The following GAS6 variants were observed in gnomAD, a reference collection of about 807,000 sequenced individuals.
GAS6 encodes the protein growth arrest specific 6, also known as growth arrest-specific protein 6.
Under a neutral mutation model 75.8 loss-of-function variants are expected in GAS6, and 41 were observed. That is an observed-to-expected ratio of 0.54 (90% CI 0.42 to 0.70). GAS6 has a LOEUF of 0.70. GAS6 is among the 30% of genes least tolerant of loss of function. The pLI is 0.00. For missense variants in GAS6, 854 were observed against 940.2 expected (o/e 0.91, Z 1.20); for synonymous variants, 432 against 412.6 (o/e 1.05, Z -0.57).
chr13:113,847,609 G>C (rs960347456), intron 3 of GAS6: 1 of 197,788 alleles, frequency 5.1e-6, no homozygotes, highest in African/African-American at 2.4e-5. Context: ...ACACTATTCA[G>C]TGTTTTCGGT....
At chr13:113,822,232 G>A (rs756034822) in intron 13 of GAS6, 46 bp from the exon 14 acceptor site, 34 of 1,430,184 alleles carry the variant, frequency 2.4e-5, no homozygotes, top group South Asian at 1.5e-4. Context: ...CCACCCCTAC[G>A]TGAGCTGTTA....
chr13:113,850,840 G>C (rs1368906665), intron 2 of GAS6, among the ~76,000 whole-genome samples: 1 of 151,984 alleles, frequency 6.6e-6, no homozygotes, highest in African/African-American at 2.4e-5. Context: ...ATGGATAGAT[G>C]GATGGATAGA....
At chr13:113,846,268 C>G (rs547271915) in intron 4 of GAS6, among the ~76,000 whole-genome samples, 2 of 152,356 alleles carry the variant, frequency 1.3e-5, no homozygotes, top group Non-Finnish European at 2.9e-5. Flanking sequence ...CTGGACGACT[C>G]AGAGGCGGGG....
At chr13:113,850,124 C>A (rs978629135) in intron 2 of GAS6, among the ~76,000 whole-genome samples, 7 of 152,162 alleles carry the variant, frequency 4.6e-5, no homozygotes, top group African/African-American at 1.7e-4. Context: ...ATGTAAGACC[C>A]AGAAATGGCT....
At position 113,823,555 on chromosome 13, in the gene GAS6, A is replaced by C; in HGVS notation, c.1478-5T>G. 6.2e-7 allele frequency: 1 copy of C among 1,607,366 alleles called. No individual in the cohort carries two copies. Among genetic ancestry groups the C allele is most frequent in the East Asian group, 2.2e-5 (1 of 44,708 alleles). On this transcript the variant is annotated splice_polypyrimidine_tract_variant and splice_region_variant and intron_variant, in intron 12 of 14. Transcript: ENST00000327773. ...CGACGTCCAGAGGGGTCCGCACTGC[A>C]ATGAAAGCGGTGCATTATAGGGTGG...
At position 113,848,620 on chromosome 13, in the gene GAS6, A is replaced by T. The variant is rs181850706; in HGVS notation, c.256-570T>A. 6.4e-4 allele frequency among the ~76,000 whole-genome samples: 97 copies of T among 152,162 alleles called. 3 individuals carry two copies. Among genetic ancestry groups the T allele is most frequent in the Admixed American group, 6.3e-3 (96 of 15,280 alleles). The stretch of plus-strand genomic sequence containing the variant: ...GAGGCCGGCCGGAAACTTCTTCAGG[A>T]TCCTTTTGCCATGGCCCACAGATTC... On this transcript the variant is annotated intron_variant, in intron 2 of 14. Coordinates refer to ENST00000327773, the MANE Select transcript of GAS6 (RefSeq NM_000820.4). This position sits in a 1 kb window ranked among gnomAD's most constrained non-coding sequence, Gnocchi z 4.8.
At chr13:113,828,134 G>A (rs1212953961) in intron 11 of GAS6, among the ~76,000 whole-genome samples, 1 of 152,084 alleles carries the variant, frequency 6.6e-6, no homozygotes, top group Non-Finnish European at 1.5e-5. Flanking sequence ...CGTGGTGGCG[G>A]GCGCCTGTAG....
chr13:113,822,259 C>CA, intron 13 of GAS6, 73 bp from the exon 14 acceptor site: 1 of 1,209,736 alleles, frequency 8.3e-7, no homozygotes, highest in East Asian at 2.7e-5. Context: ...AGCTGGTCCT[C>CA]ACAGCTGCTG....
chr13:113,858,936 CGT>C (rs1372790065), intron 2 of GAS6, among the ~76,000 whole-genome samples: 86 of 147,126 alleles, frequency 5.8e-4, no homozygotes, highest in African/African-American at 1.8e-3. Flanking sequence ...TATGTGTGTG[CGT>C]GTCATGCATG....
intron 10 of GAS6, among the ~76,000 whole-genome samples, chr13:113,829,581 G>T (rs2051603434): frequency 6.6e-6 from 1 of 150,918 alleles, no homozygotes; most frequent in South Asian, 2.1e-4. Context: ...CCACACCTGA[G>T]CCAAGAGGGT....
At chr13:113,852,218 A>C (rs2138660468) in intron 2 of GAS6, among the ~76,000 whole-genome samples, 1 of 152,322 alleles carries the variant, frequency 6.6e-6, no homozygotes, top group East Asian at 1.9e-4. Flanking sequence ...AGCTACTGTT[A>C]GTGTTAATTT....
Position 113,820,967 on chromosome 13 carries a change from G to A in GAS6, c.1934C>T (p.Thr645Ile), listed in dbSNP as rs911109356. 1 of 1,612,764 alleles carries A rather than the reference G, an allele frequency of 6.2e-7. No homozygotes were observed. The highest frequency in any genetic ancestry group is 8.5e-7 in the Non-Finnish European group (1 of 1,179,892). ...PVTAFYRGCM[T>I]LEVNRRLLDL... ...CAGCAGCCTCCGGTTGACCTCCAGTGTCATGCAGCCGCGGTAGAACGCGGT... is the reference window on the plus strand; with the variant it reads ...CAGCAGCCTCCGGTTGACCTCCAGTATCATGCAGCCGCGGTAGAACGCGGT... The change falls in exon 15 of 15, where the codon ACA becomes ATA. Residue 645 changes from threonine to isoleucine, a missense_variant. Physicochemically the swap from Thr to Ile is moderately conservative, Grantham distance 89 (BLOSUM62 -1). Coordinates refer to ENST00000327773, the MANE Select transcript of GAS6 (RefSeq NM_000820.4).
At position 113,828,726 on chromosome 13, in the gene GAS6, C is replaced by T. The variant is rs754114986; in HGVS notation, c.1144-15G>A. On this transcript the variant is annotated splice_polypyrimidine_tract_variant and intron_variant, in intron 10 of 14. Coordinates refer to ENST00000327773, the MANE Select transcript of GAS6 (RefSeq NM_000820.4). ...TCAACAGAGATCTGAAGAGAGGCAG[C>T]GCCATGAGAAAAGATGGGAGTGCAC... The T allele has an allele frequency of 4.1e-5, 66 of 1,610,136 alleles. No individual in the cohort carries two copies. Among genetic ancestry groups the T allele is most frequent in the Non-Finnish European group, 5.0e-5 (59 of 1,178,178 alleles).
At position 113,838,105 on chromosome 13, in the gene GAS6, C is replaced by T. The variant is rs193064751; in HGVS notation, c.553G>A (p.Gly185Ser). ...PGSFHCSCHS[G>S]FELSSDGRTC... ...CTGCCATCAGAGGAGAGCTCGAAGC[C>T]GCTGTGGCAGGAACAGTGGAAGCTA... The change falls in exon 6 of 15, where the codon GGC (glycine) becomes AGC (serine). Residue 185 changes from glycine (G) to serine (S), a missense_variant. Gly to Ser is a moderately conservative substitution (Grantham distance 56). Coordinates refer to ENST00000327773, the MANE Select transcript of GAS6 (RefSeq NM_000820.4). 48 of 1,613,004 alleles carry T rather than the reference C, an allele frequency of 3.0e-5. No individual in the cohort carries two copies. Among genetic ancestry groups the T allele is most frequent in the Middle Eastern group, 1.7e-4 (1 of 6,058 alleles).
At chr13:113,853,753 C>T (rs1389925541) in intron 2 of GAS6, among the ~76,000 whole-genome samples, 2 of 152,252 alleles carry the variant, frequency 1.3e-5, no homozygotes, top group African/African-American at 4.8e-5. Context: ...GTAACGCCCA[C>T]AGGAACTGCC....
At chr13:113,850,139 G>C (rs1011890311) in intron 2 of GAS6, among the ~76,000 whole-genome samples, 1 of 152,146 alleles carries the variant, frequency 6.6e-6, no homozygotes, top group Admixed American at 6.5e-5. Context: ...ATGGCTTTGA[G>C]TAAAGGCACC....
At chr13:113,858,663 CTGTG>C (rs973104830) in intron 2 of GAS6, among the ~76,000 whole-genome samples, 1 of 115,914 alleles carries the variant, frequency 8.6e-6, no homozygotes, top group African/African-American at 3.6e-5. Context: ...GTGTACATGT[CTGTG>C]TGTGCCTATG....
chr13:113,854,796 G>A (rs1339952491), intron 2 of GAS6, among the ~76,000 whole-genome samples: 1 of 152,264 alleles, frequency 6.6e-6, no homozygotes, highest in Non-Finnish European at 1.5e-5. Flanking sequence ...TTGGATGGGA[G>A]GGATGCTGGC....
At chr13:113,862,888 G>A (rs1025939390) in intron 2 of GAS6, among the ~76,000 whole-genome samples, 1 of 152,156 alleles carries the variant, frequency 6.6e-6, no homozygotes, top group Non-Finnish European at 1.5e-5. Flanking sequence ...AAAGTCACCC[G>A]CTCCCGAGCC....
Sources: gnomAD v4.1 joint callset for allele counts (sites outside exome capture counted in the v4.1 genomes callset) on GRCh38, gnomAD v4.1.1 for gene constraint, Gnocchi (gnomAD v3.1) non-coding constraint, MANE v1.5 for transcripts, NCBI Gene and HGNC (gene_info 2026-07-23, HGNC 2026-07-21) for gene names.